The following PTPN2 variants were observed in gnomAD, a reference collection of about 807,000 sequenced individuals.
PTPN2 encodes the protein tyrosine-protein phosphatase non-receptor type 2.
In PTPN2, 19 loss-of-function variants were observed where a neutral mutation model predicts 57.3. That is an observed-to-expected ratio of 0.33 (90% confidence interval 0.23 to 0.49). The LOEUF is 0.49. Ranked by LOEUF, PTPN2 falls within the 20% of genes least tolerant of loss-of-function variation. The pLI is 0.99. For synonymous variants in PTPN2, 153 were observed against 164.9 expected (o/e 0.93, Z 0.55); for missense variants, 358 against 501.1 (o/e 0.71, Z 2.73).
At chr18:12,844,213 G>A (rs2043141850) in intron 2 of PTPN2, among the ~76,000 whole-genome samples, 1 of 152,158 alleles carries the variant, frequency 6.6e-6, no homozygotes, top group Admixed American at 6.5e-5. Flanking sequence ...TCGAATCTGG[G>A]GCTACTACAG....
At chr18:12,803,336 A>G (rs2041498230) in intron 7 of PTPN2, among the ~76,000 whole-genome samples, 1 of 152,206 alleles carries the variant, frequency 6.6e-6, no homozygotes, top group Non-Finnish European at 1.5e-5. Context: ...AATAAAGAAT[A>G]TGAAAAGCAA....
At chr18:12,838,584 G>T (rs2042946476) in intron 2 of PTPN2, among the ~76,000 whole-genome samples, 1 of 152,196 alleles carries the variant, frequency 6.6e-6, no homozygotes, top group Non-Finnish European at 1.5e-5. Flanking sequence ...ACTACCTGCA[G>T]GGCACTGGGT....
chr18:12,804,289 CAAAAAAA>C (rs59927276), intron 7 of PTPN2, among the ~76,000 whole-genome samples: 4 of 67,868 alleles, frequency 5.9e-5, no homozygotes, highest in Non-Finnish European at 7.7e-5. Flanking sequence ...GAAACTGTCT[CAAAAAAA>C]AAAAAAAAAA....
intron 4 of PTPN2, among the ~76,000 whole-genome samples, chr18:12,826,265 C>T (rs897119747): frequency 4.6e-5 from 7 of 152,030 alleles, no homozygotes; most frequent in African/African-American, 1.7e-4. Context: ...TAGCTAGGCG[C>T]GATGGCGGGC....
At chr18:12,878,800 T>G (rs144499050) in intron 1 of PTPN2, among the ~76,000 whole-genome samples, 1 of 152,148 alleles carries the variant, frequency 6.6e-6, no homozygotes, top group Non-Finnish European at 1.5e-5. Flanking sequence ...TGAGCTATGA[T>G]TGCACCACTG....
intron 1 of PTPN2, among the ~76,000 whole-genome samples, chr18:12,873,076 C>T (rs2044323029): frequency 6.6e-6 from 1 of 152,146 alleles, no homozygotes; most frequent in Non-Finnish European, 1.5e-5. Context: ...CAAAAATTAG[C>T]TGGGTGTGGT....
chr18:12,870,427 GTATATATATATGTGTATA>G (rs1200753883), intron 1 of PTPN2, among the ~76,000 whole-genome samples: 66 of 34,944 alleles, frequency 1.9e-3, no homozygotes, highest in Non-Finnish European at 1.9e-3. Context: ...ATATATATAC[GTATATATATATGTGTATA>G]TATATATATA....
At chr18:12,795,356 C>T (rs1429925947) in intron 8 of PTPN2, among the ~76,000 whole-genome samples, 2 of 152,284 alleles carry the variant, frequency 1.3e-5, no homozygotes, top group South Asian at 2.1e-4. Flanking sequence ...TGCAGTGGCA[C>T]GATCTTGGCT....
intron 1 of PTPN2, among the ~76,000 whole-genome samples, chr18:12,861,509 CTATT>C (rs2043807530): frequency 6.6e-6 from 1 of 152,174 alleles, no homozygotes; most frequent in Admixed American, 6.5e-5. Context: ...AAGTTGTCCC[CTATT>C]TATTCTCCCC....
intron 1 of PTPN2, among the ~76,000 whole-genome samples, chr18:12,876,140 C>A (rs896196817): frequency 6.6e-6 from 1 of 151,942 alleles, no homozygotes; most frequent in African/African-American, 2.4e-5. Flanking sequence ...GAGTGAGACC[C>A]TGTCTCAAAA....
Position 12,884,207 on chromosome 18 carries a change from C to T in PTPN2, c.-66G>A, listed in dbSNP as rs926816194. The T allele has an allele frequency of 2.3e-6, 3 of 1,306,850 alleles. No individual in the cohort carries two copies. Among genetic ancestry groups the T allele is most frequent in the African/African-American group, 1.6e-5 (1 of 63,680 alleles). 81.0% of individuals were successfully genotyped at this position (1,306,850 alleles called of 1,614,324 possible). ...CGGAGAGGCTCAGGCCCCGCACGATCCGGGGAGAGCGCTGGCGCTGCGGCG... is the reference window on the plus strand; with the variant it reads ...CGGAGAGGCTCAGGCCCCGCACGATTCGGGGAGAGCGCTGGCGCTGCGGCG... On this transcript the variant is annotated 5_prime_UTR_variant, in exon 1 of 9. Coordinates refer to ENST00000309660, the MANE Select transcript of PTPN2 (RefSeq NM_002828.4).
intron 2 of PTPN2, among the ~76,000 whole-genome samples, chr18:12,853,857 T>C (rs1598852816): frequency 6.6e-6 from 1 of 152,040 alleles, no homozygotes; most frequent in African/African-American, 2.4e-5. Context: ...AGTTTAACTT[T>C]TTCATAAAAA....
At chr18:12,830,172 T>C (rs1048366870) in intron 4 of PTPN2, among the ~76,000 whole-genome samples, 1 of 152,034 alleles carries the variant, frequency 6.6e-6, no homozygotes, top group Non-Finnish European at 1.5e-5. Flanking sequence ...GGTTTTGAGA[T>C]GGAGTCTCAT....
At chr18:12,852,361 CTAA>C (rs1280185223) in intron 2 of PTPN2, among the ~76,000 whole-genome samples, 4 of 152,282 alleles carry the variant, frequency 2.6e-5, no homozygotes, top group Non-Finnish European at 5.9e-5. Context: ...GTGGTAGTCT[CTAA>C]TAGTATAAAG....
chr18:12,813,353 TGA>T (rs1236345886), intron 7 of PTPN2, among the ~76,000 whole-genome samples: 1 of 152,246 alleles, frequency 6.6e-6, no homozygotes, highest in East Asian at 1.9e-4. Flanking sequence ...TCTAATGGGC[TGA>T]GTTTCCCAAA....
chr18:12,874,514 G>T (rs1376297003), intron 1 of PTPN2, among the ~76,000 whole-genome samples: 27 of 84,788 alleles, frequency 3.2e-4, no homozygotes, highest in African/African-American at 1.1e-3. Flanking sequence ...CCGGCCAGCC[G>T]CCCCGTCCGG....
At chr18:12,830,363 C>G (rs1215469030) in intron 4 of PTPN2, among the ~76,000 whole-genome samples, 1 of 152,114 alleles carries the variant, frequency 6.6e-6, no homozygotes, top group Non-Finnish European at 1.5e-5. Context: ...AAACTCCTGA[C>G]CTCAAGTGAT....
intron 7 of PTPN2, among the ~76,000 whole-genome samples, chr18:12,813,341 G>T (rs1444129620): frequency 1.3e-5 from 2 of 152,220 alleles, no homozygotes; most frequent in African/African-American, 4.8e-5. Flanking sequence ...AGCAGGACAT[G>T]TTCTAATGGG....
chr18:12,787,959 A>G (rs1320724461), downstream of PTPN2: 2 of 153,046 alleles, frequency 1.3e-5, no homozygotes, highest in Non-Finnish European at 3.0e-5. Context: ...AATTGCACCA[A>G]GAATAGGTTT....
Sources: allele counts gnomAD v4.1 joint callset (sites outside exome capture counted in the v4.1 genomes callset), GRCh38; gene constraint gnomAD v4.1.1; transcripts MANE v1.5; gene names NCBI Gene and HGNC (gene_info 2026-07-23, HGNC 2026-07-21).